SMIM36: variants seen among roughly 807,000 people sequenced by gnomAD.
The protein encoded by SMIM36 is small integral membrane protein 36.
intron 3 of SMIM36, among the ~76,000 whole-genome samples, chr17:55,473,344 C>T (rs1598450329): frequency 6.6e-6 from 1 of 152,176 alleles, no homozygotes; most frequent in Non-Finnish European, 1.5e-5. Flanking sequence ...ATTGACTTTC[C>T]GTAAATTTAA....
Position 55,476,397 on chromosome 17 carries a change from C to G in SMIM36, c.*347+2365G>C, listed in dbSNP as rs573058276. ...ACCTACCCAAATCCTATAAAACTGC[C>G]CCACCCCATCTCCCTTTGCTGACTC... On this transcript the variant is annotated intron_variant, in intron 3 of 4. Transcript: ENST00000636752. Among the ~76,000 whole-genome samples, 8 of 152,134 alleles carry G rather than the reference C, an allele frequency of 5.3e-5. No individual in the cohort carries two copies. The East Asian group carries it at 1.5e-3, about 29-fold the overall frequency.
At chr17:55,510,292 G>A (rs1910158247) in intron 1 of SMIM36, among the ~76,000 whole-genome samples, 1 of 152,158 alleles carries the variant, frequency 6.6e-6, no homozygotes, top group South Asian at 2.1e-4. Flanking sequence ...ATAATGTTCT[G>A]AAGTCTGAAC....
chr17:55,512,254 C>G (rs961616165), upstream of SMIM36, among the ~76,000 whole-genome samples: 2 of 152,104 alleles, frequency 1.3e-5, no homozygotes, highest in African/African-American at 4.8e-5. Context: ...GAGAAAGGAG[C>G]CTGGAAAATT....
chr17:55,528,439 G>A, the SMIM36 span, among the ~76,000 whole-genome samples: 1 of 151,926 alleles, frequency 6.6e-6, no homozygotes, highest in Non-Finnish European at 1.5e-5. Flanking sequence ...GCAGCTTCAA[G>A]CTCCTGGTCT....
intron 1 of SMIM36, among the ~76,000 whole-genome samples, chr17:55,504,373 A>G (rs376018758): frequency 1.5e-5 from 1 of 66,284 alleles, no homozygotes; most frequent in Non-Finnish European, 2.4e-5. Flanking sequence ...ATAACAAACT[A>G]TCTCTCAGAC....
intron 1 of SMIM36, among the ~76,000 whole-genome samples, chr17:55,488,505 TA>T (rs1189199312): frequency 1.3e-5 from 2 of 152,216 alleles, no homozygotes; most frequent in East Asian, 3.8e-4. Flanking sequence ...ATGTACATTA[TA>T]CTTTTTGTAG....
chr17:55,501,399 T>G (rs1289474192), intron 1 of SMIM36, among the ~76,000 whole-genome samples: 1 of 18,838 alleles, frequency 5.3e-5, no homozygotes, highest in Non-Finnish European at 8.1e-5. Flanking sequence ...ATATATTATA[T>G]ATTATTATAT....
intron 4 of SMIM36, among the ~76,000 whole-genome samples, chr17:55,451,312 C>T (rs919585025): frequency 3.3e-5 from 5 of 152,214 alleles, no homozygotes; most frequent in African/African-American, 7.2e-5. Flanking sequence ...ATCCATCACC[C>T]TCCTTCAGCA....
chr17:55,463,876 G>A (rs1016785719), intron 4 of SMIM36, among the ~76,000 whole-genome samples: 2 of 152,114 alleles, frequency 1.3e-5, no homozygotes, highest in Non-Finnish European at 2.9e-5. Context: ...AGCACTTTGG[G>A]AGGCTAAGAC....
chr17:55,497,480 G>A (rs1353483317), intron 1 of SMIM36, among the ~76,000 whole-genome samples: 1 of 152,018 alleles, frequency 6.6e-6, no homozygotes, highest in Admixed American at 6.6e-5. Flanking sequence ...TGGTCAGGCT[G>A]GTCTCGAACT....
chr17:55,465,843 C>A (rs1909226981), intron 4 of SMIM36, among the ~76,000 whole-genome samples: 1 of 152,014 alleles, frequency 6.6e-6, no homozygotes, highest in Admixed American at 6.6e-5. Context: ...CTAATAAGGT[C>A]CTTAGATGGT....
chr17:55,496,942 G>A (rs1392757005), intron 1 of SMIM36, among the ~76,000 whole-genome samples: 1 of 152,084 alleles, frequency 6.6e-6, no homozygotes, highest in Non-Finnish European at 1.5e-5. Context: ...TAAAAATAAC[G>A]GTTCCTCCTC....
At chr17:55,512,208 T>G (rs528647298), upstream of SMIM36, among the ~76,000 whole-genome samples, 7 of 152,300 alleles carry the variant, frequency 4.6e-5, 1 homozygote, top group South Asian at 1.5e-3. Context: ...GGAAGATTCT[T>G]CTAGCCACAA....
At chr17:55,501,401 T>TAATA (rs1909968483) in intron 1 of SMIM36, among the ~76,000 whole-genome samples, 3 of 18,178 alleles carry the variant, frequency 1.7e-4, no homozygotes, top group African/African-American at 6.6e-4. Flanking sequence ...ATATTATATA[T>TAATA]TATTATATAT....
chr17:55,455,300 A>G lies in SMIM36; in HGVS notation c.*532-5002T>C, dbSNP rs553584893. ...CATCTGGTCTCCGATGCCTTTCGCA[A>G]CAGGATTGCCACCTATCTCTCTGGC... is the stretch of plus-strand genomic sequence containing the variant. On this transcript the variant is annotated intron_variant, in intron 4 of 4. Coordinates refer to ENST00000636752, the Ensembl canonical transcript of SMIM36. Among the ~76,000 whole-genome samples, 6 of 152,254 alleles carry G rather than the reference A, an allele frequency of 3.9e-5. No homozygotes were observed. In the East Asian group the frequency reaches 1.2e-3, roughly 29 times the overall value.
intron 1 of SMIM36, among the ~76,000 whole-genome samples, chr17:55,508,284 C>A (rs1030442064): frequency 5.3e-5 from 8 of 151,694 alleles, no homozygotes; most frequent in African/African-American, 1.5e-4. Flanking sequence ...TTGTTTTCTA[C>A]CTCTAAGAGT....
intron 1 of SMIM36, among the ~76,000 whole-genome samples, chr17:55,500,244 C>T (rs889237006): frequency 6.6e-6 from 1 of 151,974 alleles, no homozygotes; most frequent in Non-Finnish European, 1.5e-5. Flanking sequence ...TCTGCCTTAC[C>T]CTGCTGAGTA....
intron 1 of SMIM36, among the ~76,000 whole-genome samples, chr17:55,501,770 G>A (rs1418964335): frequency 6.6e-6 from 1 of 151,368 alleles, no homozygotes; most frequent in Non-Finnish European, 1.5e-5. Context: ...AGCTCCCAGC[G>A]TGACCGACGC....
At chr17:55,485,444 C>A (rs932311713) in intron 1 of SMIM36, among the ~76,000 whole-genome samples, 9 of 132,198 alleles carry the variant, frequency 6.8e-5, no homozygotes, top group African/African-American at 2.4e-4. Context: ...TTCCACCATA[C>A]CCTGCTGATT....
Sources: allele counts gnomAD v4.1 joint callset (sites outside exome capture counted in the v4.1 genomes callset), GRCh38; gene constraint gnomAD v4.1.1; transcripts MANE v1.5; gene names NCBI Gene and HGNC (gene_info 2026-07-23, HGNC 2026-07-21).